Variants in CHCHD3 observed in about 807,000 individuals in gnomAD.
The protein encoded by CHCHD3 is MICOS complex subunit MIC19.
Under a neutral mutation model 38.2 loss-of-function variants are expected in CHCHD3, and 20 were observed. The ratio of observed to expected loss-of-function variants is 0.52; its 90% CI spans 0.37 to 0.76. The LOEUF (loss-of-function observed/expected upper bound fraction) is 0.76. Among genes scored for constraint, CHCHD3 ranks in the 30% least tolerant of loss-of-function variants. CHCHD3 has a pLI of 0.00. For synonymous variants in CHCHD3, 82 were observed against 100.0 expected (o/e 0.82, Z 1.07); for missense variants, 245 against 279.2 (o/e 0.88, Z 0.87).
chr7:132,998,806 A>G (rs1353865544), intron 3 of CHCHD3, among the ~76,000 whole-genome samples: 1 of 152,180 alleles, frequency 6.6e-6, no homozygotes, highest in African/African-American at 2.4e-5. Flanking sequence ...AAGTTGGTCA[A>G]TGAGTCAATT....
intron 1 of CHCHD3, among the ~76,000 whole-genome samples, chr7:133,080,310 A>C (rs1160821062): frequency 6.6e-6 from 1 of 152,256 alleles, no homozygotes; most frequent in Non-Finnish European, 1.5e-5. Flanking sequence ...TTCCATTTTA[A>C]TAGAATACCT....
At chr7:132,792,625 G>A (rs909318014) in intron 7 of CHCHD3, among the ~76,000 whole-genome samples, 21 of 152,162 alleles carry the variant, frequency 1.4e-4, no homozygotes, top group Non-Finnish European at 2.2e-4. Context: ...ATCTGAGTGC[G>A]CCTATGAACA....
chr7:132,834,853 T>C (rs1216373307), intron 6 of CHCHD3, among the ~76,000 whole-genome samples: 1 of 152,176 alleles, frequency 6.6e-6, no homozygotes, highest in East Asian at 1.9e-4. Context: ...GCTTGACTGA[T>C]GGTCCACATG....
intron 2 of CHCHD3, among the ~76,000 whole-genome samples, chr7:133,027,664 G>A (rs925691910): frequency 1.3e-5 from 2 of 152,130 alleles, no homozygotes; most frequent in Admixed American, 1.3e-4. Flanking sequence ...CTTCTGTTTT[G>A]CCTCTCTCCT....
intron 4 of CHCHD3, among the ~76,000 whole-genome samples, chr7:132,923,345 A>G (rs1377126662): frequency 6.6e-6 from 1 of 152,166 alleles, no homozygotes; most frequent in Non-Finnish European, 1.5e-5. Context: ...CTATTTATAG[A>G]CAGACAGATT....
intron 1 of CHCHD3, among the ~76,000 whole-genome samples, chr7:133,075,291 T>G (rs1380202028): frequency 6.6e-6 from 1 of 152,232 alleles, no homozygotes; most frequent in Admixed American, 6.5e-5. Context: ...GAGTATATAC[T>G]AAACCTATTG....
chr7:133,054,617 T>C (rs1349608268), intron 2 of CHCHD3, among the ~76,000 whole-genome samples: 9 of 152,194 alleles, frequency 5.9e-5, no homozygotes, highest in Non-Finnish European at 5.9e-5. Flanking sequence ...TAAAGTACCA[T>C]GCAATGGTGT....
chr7:133,002,497 T>G (rs1584634780), intron 3 of CHCHD3, among the ~76,000 whole-genome samples: 1 of 152,200 alleles, frequency 6.6e-6, no homozygotes. Context: ...CCATGATAAT[T>G]AGGCTTTCAT....
intron 4 of CHCHD3, among the ~76,000 whole-genome samples, chr7:132,936,388 C>A (rs1003269864): frequency 1.3e-5 from 2 of 152,194 alleles, no homozygotes; most frequent in Middle Eastern, 3.4e-3. Flanking sequence ...CAAAAGCTTG[C>A]GGTTGCAAAA....
At chr7:132,824,165 T>A (rs918779895) in intron 6 of CHCHD3, among the ~76,000 whole-genome samples, 2 of 152,162 alleles carry the variant, frequency 1.3e-5, no homozygotes, top group Admixed American at 1.3e-4. Context: ...AATAAACGTA[T>A]ACAACATCTA....
At chr7:133,040,224 T>C (rs1813794449) in intron 2 of CHCHD3, among the ~76,000 whole-genome samples, 1 of 152,180 alleles carries the variant, frequency 6.6e-6, no homozygotes. Flanking sequence ...AGCAGAAGCC[T>C]ATAGCTGCCC....
At position 133,024,644 on chromosome 7, in the gene CHCHD3, G is replaced by A; in HGVS notation, c.170-17C>T. The A allele has an allele frequency of 1.9e-6, 3 of 1,569,452 alleles. No individual in the cohort carries two copies. The highest frequency in any genetic ancestry group is 1.4e-5 in the African/African-American group (1 of 74,068). On this transcript the variant is annotated splice_polypyrimidine_tract_variant and intron_variant, in intron 2 of 7. Transcript: ENST00000262570. ...CATCAGAAACTAGAATCGATAAAGA[G>A]CAGAAGGAGATAAAATAGGTGACTT...
At chr7:133,018,976 C>T (rs1043328753) in intron 3 of CHCHD3, among the ~76,000 whole-genome samples, 1 of 150,512 alleles carries the variant, frequency 6.6e-6, no homozygotes, top group African/African-American at 2.4e-5. Flanking sequence ...CTCCACCTCC[C>T]GGGTTCAAGC....
At position 132,972,868 on chromosome 7, in the gene CHCHD3, G is replaced by A. The variant is rs577066884; in HGVS notation, c.369+2301C>T. 9 of 985,396 alleles carry A rather than the reference G, an allele frequency of 9.1e-6. No homozygotes were observed. In the African/African-American group the frequency reaches 1.6e-4, roughly 17 times the overall value. The allele number at this position is 985,396 out of a possible 1,614,324, so 61.0% of individuals were successfully genotyped here. A position where few individuals can be genotyped will look rare whatever the true frequency, so the allele number is the denominator to read the frequency against. On this transcript the variant is annotated intron_variant, in intron 4 of 7. Transcript: ENST00000262570. ...AAATAAGAGATCTACAAATCAGAAT[G>A]TACGAGGCCAGTTTCTCATGCTTCA...
chr7:132,864,914 C>T (rs1168094788), intron 5 of CHCHD3, among the ~76,000 whole-genome samples: 2 of 152,142 alleles, frequency 1.3e-5, no homozygotes, highest in African/African-American at 4.8e-5. Flanking sequence ...AGAATAAACA[C>T]TATTTTCAAA....
chr7:132,879,055 T>G (rs1808982628), intron 5 of CHCHD3, among the ~76,000 whole-genome samples: 1 of 152,194 alleles, frequency 6.6e-6, no homozygotes, highest in South Asian at 2.1e-4. Flanking sequence ...TTAGCAGATC[T>G]TCAATATAGT....
At chr7:132,887,015 CAGTT>C in intron 4 of CHCHD3, 1 of 1,228,020 alleles carries the variant, frequency 8.1e-7, no homozygotes, top group Non-Finnish European at 1.0e-6. Context: ...ATAAAATAAA[CAGTT>C]ATTTAACAAC....
At chr7:133,007,851 A>G (rs992999964) in intron 3 of CHCHD3, among the ~76,000 whole-genome samples, 3 of 152,204 alleles carry the variant, frequency 2.0e-5, no homozygotes, top group African/African-American at 7.2e-5. Flanking sequence ...CAACAGGACT[A>G]TTATATTAAA....
chr7:132,966,015 C>T (rs1451140931), intron 4 of CHCHD3, among the ~76,000 whole-genome samples: 1 of 152,158 alleles, frequency 6.6e-6, no homozygotes, highest in Non-Finnish European at 1.5e-5. Flanking sequence ...GATCATTCCA[C>T]TGTATTTTTT....
Sources: gnomAD v4.1 joint callset for allele counts (sites outside exome capture counted in the v4.1 genomes callset) on GRCh38, gnomAD v4.1.1 for gene constraint, MANE v1.5 for transcripts, NCBI Gene and HGNC (gene_info 2026-07-23, HGNC 2026-07-21) for gene names.